KCNH8: variants seen among roughly 807,000 people sequenced by gnomAD.
KCNH8 encodes voltage-gated delayed rectifier potassium channel KCNH8.
In KCNH8, 70 loss-of-function variants were observed where a neutral mutation model predicts 103.6. The ratio of observed to expected loss-of-function variants is 0.68; its 90% CI spans 0.56 to 0.82. The LOEUF (loss-of-function observed/expected upper bound fraction) is 0.82. Among genes scored for constraint, KCNH8 ranks in the 40% least tolerant of loss-of-function variants. The pLI is 0.00. For missense variants in KCNH8, 1,217 were observed against 1,329.9 expected (o/e 0.92, Z 1.32); for synonymous variants, 498 against 489.4 (o/e 1.02, Z -0.23).
intron 7 of KCNH8, among the ~76,000 whole-genome samples, chr3:19,413,632 T>C (rs1431852664): frequency 6.6e-6 from 1 of 151,984 alleles, no homozygotes; most frequent in Non-Finnish European, 1.5e-5. Context: ...AAATAGCCAT[T>C]GACAAGCCAA....
rs144978494 is a variant in KCNH8 at position 19,247,930 on chromosome 3, A to G, written c.77-5724A>G. Among the ~76,000 whole-genome samples, 264 of 152,298 alleles carry G rather than the reference A, an allele frequency of 1.7e-3. 2 individuals are homozygous for G. The highest frequency in any genetic ancestry group is 6.1e-3 in the African/African-American group (252 of 41,558). ...ATCTGCCTAATCTTCTTGAGCATACACTATTCTACTTAGAGTTGTGATTCT... is the reference window on the plus strand; with the variant it reads ...ATCTGCCTAATCTTCTTGAGCATACGCTATTCTACTTAGAGTTGTGATTCT... On this transcript the variant is annotated intron_variant, in intron 1 of 15. Transcript: ENST00000328405.
At chr3:19,525,259 T>C (rs1374984745) in intron 15 of KCNH8, among the ~76,000 whole-genome samples, 1 of 151,898 alleles carries the variant, frequency 6.6e-6, no homozygotes, top group Non-Finnish European at 1.5e-5. Flanking sequence ...GGGCTAAGGA[T>C]CTGTCTGTAG....
intron 15 of KCNH8, among the ~76,000 whole-genome samples, chr3:19,528,740 C>A (rs1374260273): frequency 6.6e-6 from 1 of 151,974 alleles, no homozygotes; most frequent in Non-Finnish European, 1.5e-5. Flanking sequence ...GGCAATATAA[C>A]AACCAAAAGT....
chr3:19,472,431 T>C (rs924107294), intron 11 of KCNH8, among the ~76,000 whole-genome samples: 1 of 152,164 alleles, frequency 6.6e-6, no homozygotes, highest in Non-Finnish European at 1.5e-5. Context: ...TGGGCAGGTC[T>C]TTCCTGTGCT....
chr3:19,496,229 A>G (rs573464756), intron 11 of KCNH8, among the ~76,000 whole-genome samples: 13 of 152,160 alleles, frequency 8.5e-5, no homozygotes, highest in Non-Finnish European at 1.8e-4. Flanking sequence ...TTCCAGTACT[A>G]TGTTGAATAG....
chr3:19,273,664 A>G (rs2064622297), intron 2 of KCNH8, among the ~76,000 whole-genome samples: 1 of 152,184 alleles, frequency 6.6e-6, no homozygotes, highest in Admixed American at 6.5e-5. Context: ...TTTGTGAATG[A>G]GGTCAGAATA....
chr3:19,376,278 C>T (rs1005260684), intron 5 of KCNH8, among the ~76,000 whole-genome samples: 16 of 152,218 alleles, frequency 1.1e-4, no homozygotes, highest in African/African-American at 3.9e-4. Context: ...CCCTCTGAGC[C>T]AGGTGCAGGA....
intron 1 of KCNH8, among the ~76,000 whole-genome samples, chr3:19,181,738 T>A (rs922192005): frequency 6.6e-6 from 1 of 152,194 alleles, no homozygotes; most frequent in African/African-American, 2.4e-5. Flanking sequence ...GTCCCCTGTC[T>A]TGCACAGACA....
chr3:19,244,514 T>G lies in KCNH8; in HGVS notation c.77-9140T>G, dbSNP rs547161871. On this transcript the variant is annotated intron_variant, in intron 1 of 15. Transcript: ENST00000328405. Reference sequence around the variant, plus strand: ...ATGGGATTGCTGGGTTGAATGGTAGTTCTGTTTTATATTCTTTGAGAAATC... The same window carrying G: ...ATGGGATTGCTGGGTTGAATGGTAGGTCTGTTTTATATTCTTTGAGAAATC... 3.9e-5 allele frequency among the ~76,000 whole-genome samples: 6 copies of G among 152,308 alleles called. No individual in the cohort carries two copies. In the East Asian group the frequency reaches 1.2e-3, roughly 29 times the overall value.
At chr3:19,159,410 C>T (rs1358581113) in intron 1 of KCNH8, among the ~76,000 whole-genome samples, 1 of 151,812 alleles carries the variant, frequency 6.6e-6, no homozygotes, top group Non-Finnish European at 1.5e-5. Flanking sequence ...ACATTCTTTT[C>T]TTGGACGTGT....
At chr3:19,319,252 A>G (rs2065318132) in intron 3 of KCNH8, among the ~76,000 whole-genome samples, 2 of 151,934 alleles carry the variant, frequency 1.3e-5, no homozygotes, top group Non-Finnish European at 2.9e-5. Context: ...GCCAATGTCT[A>G]GAAGAGTTTT....
intron 5 of KCNH8, among the ~76,000 whole-genome samples, chr3:19,377,531 T>C (rs2066227025): frequency 6.6e-6 from 1 of 152,206 alleles, no homozygotes; most frequent in African/African-American, 2.4e-5. Context: ...TCCACAGCTG[T>C]CCTATATTTT....
chr3:19,476,439 T>G (rs1054507653), intron 11 of KCNH8, among the ~76,000 whole-genome samples: 3 of 152,158 alleles, frequency 2.0e-5, no homozygotes, highest in Non-Finnish European at 2.9e-5. Context: ...ACCTAAATAC[T>G]CGGTGGGTAT....
intron 11 of KCNH8, among the ~76,000 whole-genome samples, 193 bp downstream of exon 11, chr3:19,457,175 GGAAAATATTTTTCAT>G (rs1307314111): frequency 6.6e-6 from 1 of 151,930 alleles, no homozygotes; most frequent in Non-Finnish European, 1.5e-5. Flanking sequence ...TAACATTCTA[GGAAAATATTTTTCAT>G]GAATGACTTC....
At chr3:19,169,126 C>G (rs1368136298) in intron 1 of KCNH8, among the ~76,000 whole-genome samples, 1 of 152,132 alleles carries the variant, frequency 6.6e-6, no homozygotes, top group Non-Finnish European at 1.5e-5. Flanking sequence ...CCTGCTCAAA[C>G]TCATTTTTAT....
intron 11 of KCNH8, among the ~76,000 whole-genome samples, chr3:19,493,743 G>A (rs965774971): frequency 6.6e-6 from 1 of 150,914 alleles, no homozygotes. Context: ...TTATTGATGA[G>A]TCTTATTATT....
chr3:19,436,771 T>C (rs541880486), intron 7 of KCNH8, among the ~76,000 whole-genome samples: 4 of 152,356 alleles, frequency 2.6e-5, no homozygotes, highest in Admixed American at 2.6e-4. Context: ...GCATATCACC[T>C]GTGCATTCCA....
intron 5 of KCNH8, among the ~76,000 whole-genome samples, chr3:19,389,399 A>G (rs776704094): frequency 6.6e-6 from 1 of 152,112 alleles, no homozygotes; most frequent in Non-Finnish European, 1.5e-5. Context: ...GCTCGATAAT[A>G]TATAACTAAA....
rs1482766182 is a variant in KCNH8 at position 19,387,784 on chromosome 3, CTT to C, written c.812-2695_812-2694del. Among the ~76,000 whole-genome samples, 5 of 152,186 alleles carry C rather than the reference CTT, an allele frequency of 3.3e-5. No homozygotes were observed. The East Asian group carries it at 7.7e-4, about 24-fold the overall frequency. ...ATCTTTTATTCTTTTACTATTATCT[CTT>C]TGTGTATAAAAGTCTTATAATTACT... On this transcript the variant is annotated intron_variant, in intron 5 of 15. Coordinates refer to ENST00000328405, the MANE Select transcript of KCNH8 (RefSeq NM_144633.3).
Sources: gnomAD v4.1 joint callset for allele counts (sites outside exome capture counted in the v4.1 genomes callset) on GRCh38, gnomAD v4.1.1 for gene constraint, MANE v1.5 for transcripts, NCBI Gene and HGNC (gene_info 2026-07-23, HGNC 2026-07-21) for gene names.